RC3H1: variants seen among roughly 807,000 people sequenced by gnomAD.
RC3H1 encodes the protein roquin-1.
A neutral mutation model predicts 138.2 loss-of-function variants in RC3H1; 50 were observed. The ratio of observed to expected loss-of-function variants is 0.36; its 90% CI spans 0.29 to 0.46. The LOEUF (loss-of-function observed/expected upper bound fraction) is 0.46. Among genes scored for constraint, RC3H1 ranks in the 20% least tolerant of loss-of-function variants. The pLI is 1.00. For synonymous variants in RC3H1, 462 were observed against 489.1 expected, an observed-to-expected ratio of 0.94 and a Z score of 0.73; for missense variants, 1,031 against 1,388.1, an observed-to-expected ratio of 0.74 and a Z score of 4.09.
Position 173,938,762 on chromosome 1 carries a change from CATT to C in RC3H1, c.3358_3360del (p.Asn1120del). The C allele has an allele frequency of 1.2e-6, 2 of 1,612,786 alleles. No homozygotes were observed. The highest frequency in any genetic ancestry group is 2.2e-5 in the East Asian group (1 of 44,848). ...GGAGTAACTCCTGATCTCTGGGAGT[CATT>C]ATTATCCCCTCCTCCCTCAGGGTCC... On this transcript the variant is annotated inframe_deletion, in exon 20 of 20. Coordinates refer to ENST00000367696, the MANE Select transcript of RC3H1 (RefSeq NM_172071.4).
intron 7 of RC3H1, among the ~76,000 whole-genome samples, chr1:173,977,193 G>A (rs1250120093): frequency 6.6e-6 from 1 of 152,014 alleles, no homozygotes; most frequent in Non-Finnish European, 1.5e-5. Context: ...CAAAGTGCTG[G>A]GATTACAGGC....
chr1:174,012,784 CAAAA>C (rs11397475), intron 1 of RC3H1, among the ~76,000 whole-genome samples: 9 of 112,814 alleles, frequency 8.0e-5, no homozygotes, highest in African/African-American at 2.6e-4. Flanking sequence ...GACTCTGTCT[CAAAA>C]AAAAAAAAAG....
rs1235669189 is a variant in RC3H1 at position 173,938,717 on chromosome 1, T to C, written c.*4A>G. On this transcript the variant is annotated 3_prime_UTR_variant, in exon 20 of 20. Transcript: ENST00000367696. ...CAGAAGATAAAAGTAGGACTCCTCA[T>C]ATTTTAAGGAGCAGAACTGGGAGTA... 2 of 1,594,972 alleles carry C rather than the reference T, an allele frequency of 1.3e-6. No individual in the cohort carries two copies. Among genetic ancestry groups the C allele is most frequent in the Admixed American group, 3.5e-5 (2 of 57,148 alleles).
chr1:173,941,143 GAAT>G (rs1405071507), intron 19 of RC3H1, 119 bp downstream of exon 19: 1 of 696,802 alleles, frequency 1.4e-6, no homozygotes, highest in Non-Finnish European at 2.4e-6. Flanking sequence ...TATGTACACA[GAAT>G]AATGATATTT....
intron 1 of RC3H1, among the ~76,000 whole-genome samples, chr1:173,995,363 G>A (rs1661437602): frequency 1.3e-5 from 2 of 151,316 alleles, no homozygotes; most frequent in Admixed American, 6.6e-5. Flanking sequence ...GAGAAACCCC[G>A]TCTCTACTAA....
At chr1:174,001,526 A>G (rs985153168) in intron 1 of RC3H1, among the ~76,000 whole-genome samples, 1 of 152,240 alleles carries the variant, frequency 6.6e-6, no homozygotes, top group Middle Eastern at 3.4e-3. Context: ...GGCTCACTGC[A>G]ACCTCCACCT....
Position 174,007,259 on chromosome 1 carries a change from G to A in RC3H1, c.-150-14124C>T, listed in dbSNP as rs551120530. On this transcript the variant is annotated intron_variant, in intron 1 of 19. Transcript: ENST00000367696. Reference sequence around the variant, plus strand: ...AAAAAAATTAGCCGGGCGTGGTGGCGGGCGCCTGTAGTCCCAGCTACTCGG... The same window carrying A: ...AAAAAAATTAGCCGGGCGTGGTGGCAGGCGCCTGTAGTCCCAGCTACTCGG... Among the ~76,000 whole-genome samples the A allele has an allele frequency of 2.0e-3, 301 of 151,950 alleles. 1 individual carries two copies. Among genetic ancestry groups the A allele is most frequent in the Non-Finnish European group, 3.6e-3 (243 of 67,938 alleles).
At chr1:173,989,017 T>A (rs76380901) in intron 2 of RC3H1, among the ~76,000 whole-genome samples, 1,876 of 152,280 alleles carry the variant, frequency 0.012, 41 homozygotes, top group African/African-American at 0.041. Flanking sequence ...CTTGTTGGTA[T>A]CTTTGTTTTT....
chr1:173,951,062 C>T (rs570982642), intron 14 of RC3H1, among the ~76,000 whole-genome samples: 3 of 149,286 alleles, frequency 2.0e-5, no homozygotes, highest in East Asian at 2.0e-4. Flanking sequence ...CGGTGGCTCA[C>T]GCCTGTAATC....
At chr1:173,952,204 T>C (rs981308348) in intron 13 of RC3H1, 66 bp from the exon 14 acceptor site, 2 of 1,189,400 alleles carry the variant, frequency 1.7e-6, no homozygotes, top group Non-Finnish European at 2.3e-6. Flanking sequence ...AGGAAATGGG[T>C]CTATGAGTAA....
At chr1:173,951,326 C>CG (rs1341027934) in intron 14 of RC3H1, among the ~76,000 whole-genome samples, 1 of 151,486 alleles carries the variant, frequency 6.6e-6, no homozygotes, top group Non-Finnish European at 1.5e-5. Context: ...ACTCCATCCC[C>CG]CCCCCAAAAA....
At position 173,934,458 on chromosome 1, in the gene RC3H1, T is replaced by A. The variant is rs1049583217; in HGVS notation, c.*4263A>T. 4 of 152,184 alleles carry A rather than the reference T, an allele frequency of 2.6e-5. No homozygotes were observed. The highest frequency in any genetic ancestry group is 9.6e-5 in the African/African-American group (4 of 41,454). The allele number at this position is 152,184 out of a possible 1,614,324, so 9.4% of individuals were successfully genotyped here. A position where few individuals can be genotyped will look rare whatever the true frequency, so the allele number is the denominator to read the frequency against. On this transcript the variant is annotated 3_prime_UTR_variant, in exon 20 of 20. Transcript: ENST00000367696. ...TTATAAGGCTAGCTAACTTTAACAG[T>A]TAACTTTAGATAAATCTACTTACAC...
At chr1:173,992,352 G>A (rs1317176922) in intron 2 of RC3H1, among the ~76,000 whole-genome samples, 3 of 152,028 alleles carry the variant, frequency 2.0e-5, no homozygotes, top group Admixed American at 1.3e-4. Flanking sequence ...TCACCATGTT[G>A]GCCAGGCCGG....
chr1:173,992,163 T>C (rs1661316024), intron 2 of RC3H1, among the ~76,000 whole-genome samples: 1 of 152,248 alleles, frequency 6.6e-6, no homozygotes, highest in South Asian at 2.1e-4. Flanking sequence ...CTTTTCTTTT[T>C]TTGAGACAGG....
At position 174,008,527 on chromosome 1, in the gene RC3H1, T is replaced by C. The variant is rs549737336; in HGVS notation, c.-151+13569A>G. ...TTTAGAATTATTTCTCAACTACTATTGCAAGCAAAATTCCATTTTGAAGGG... is the reference window on the plus strand; with the variant it reads ...TTTAGAATTATTTCTCAACTACTATCGCAAGCAAAATTCCATTTTGAAGGG... On this transcript the variant is annotated intron_variant, in intron 1 of 19. Transcript: ENST00000367696. 7.9e-5 allele frequency among the ~76,000 whole-genome samples: 12 copies of C among 152,214 alleles called. No homozygotes were observed. In the East Asian group the frequency reaches 2.3e-3, roughly 29 times the overall value.
chr1:173,945,426 A>G (rs1439260246), intron 17 of RC3H1, among the ~76,000 whole-genome samples: 3 of 152,160 alleles, frequency 2.0e-5, no homozygotes, highest in Non-Finnish European at 4.4e-5. Context: ...ACGTCCAGCC[A>G]GATTTTAAAA....
Position 173,963,849 on chromosome 1 carries a change from T to C in RC3H1, c.1831+124A>G, listed in dbSNP as rs562620434. 27 of 729,880 alleles carry C rather than the reference T, an allele frequency of 3.7e-5. No homozygotes were observed. The African/African-American group carries it at 4.4e-4, about 12-fold the overall frequency. 45.2% of individuals were successfully genotyped at this position (729,880 alleles called of 1,614,324 possible). On this transcript the variant is annotated intron_variant, in intron 11 of 19. Coordinates refer to ENST00000367696, the MANE Select transcript of RC3H1 (RefSeq NM_172071.4). The stretch of plus-strand genomic sequence containing the variant: ...ATAAAATCTCAATTTTTCCAAAGTA[T>C]TAAAAAATGCATTTATACATTTACT...
intron 1 of RC3H1, among the ~76,000 whole-genome samples, chr1:174,000,915 A>G (rs1661553725): frequency 6.6e-6 from 1 of 152,212 alleles, no homozygotes; most frequent in African/African-American, 2.4e-5. Context: ...TCTTGTGAAC[A>G]AAGACCCAGT....
intron 14 of RC3H1, among the ~76,000 whole-genome samples, chr1:173,948,839 G>A (rs776989648): frequency 3.3e-5 from 5 of 152,040 alleles, no homozygotes; most frequent in Non-Finnish European, 5.9e-5. Context: ...TCCCACCTTG[G>A]CCTCCCAAAG....
Sources: allele counts gnomAD v4.1 joint callset (sites outside exome capture counted in the v4.1 genomes callset), GRCh38; gene constraint gnomAD v4.1.1; transcripts MANE v1.5; gene names NCBI Gene and HGNC (gene_info 2026-07-23, HGNC 2026-07-21).